CDK11B: variants seen among roughly 807,000 people sequenced by gnomAD.
CDK11B encodes the protein cyclin dependent kinase 11B.
CDK11B carries 37 observed loss-of-function variants against 84.0 expected under a neutral mutation model. That is an observed-to-expected ratio of 0.44 (90% confidence interval 0.34 to 0.58). The LOEUF is 0.58. Ranked by LOEUF, CDK11B falls within the 20% of genes least tolerant of loss-of-function variation. CDK11B has a pLI of 0.02. For synonymous variants in CDK11B, 269 were observed against 309.8 expected, an observed-to-expected ratio of 0.87 and a Z score of 1.38; for missense variants, 427 against 834.0, an observed-to-expected ratio of 0.51 and a Z score of 6.01.
At chr1:1,654,257 C>T (rs925561939) in intron 3 of CDK11B, 4 of 434,590 alleles carry the variant, frequency 9.2e-6, no homozygotes, top group African/African-American at 4.1e-5. Context: ...CGTCGGAACA[C>T]ACAGGTCTCA....
chr1:1,640,308 T>C lies in CDK11B; in HGVS notation c.1220A>G (p.Gln407Arg). ...SPALSPIELK[Q>R]ELPKYLPALQ... ...GGCCGGCAGGTACTTGGGCAGCTCC[T>C]GCTTGAGCTCGATGGGCGACAGGGC... The change falls in exon 11 of 20, where the codon CAG becomes CGG. Residue 407 changes from glutamine to arginine, a missense_variant. Physicochemically the swap from Gln to Arg is conservative, Grantham distance 43. This residue lies in a region of CDK11B where 43 missense variants were observed against 61.8 expected (regional missense o/e 0.70). Coordinates refer to ENST00000341832, the MANE Select transcript of CDK11B (RefSeq NM_033486.3). The C allele has an allele frequency of 6.2e-7, 1 of 1,613,654 alleles. No homozygotes were observed.
At chr1:1,657,019 T>C (rs1176825469) in intron 2 of CDK11B, among the ~76,000 whole-genome samples, 1 of 152,194 alleles carries the variant, frequency 6.6e-6, no homozygotes, top group Non-Finnish European at 1.5e-5. Flanking sequence ...ATGTAAAATA[T>C]TTATATTAAT....
rs1642132297 is a variant in CDK11B at position 1,652,387 on chromosome 1, G to A, written c.355+52C>T. The A allele has an allele frequency of 2.8e-6, 4 of 1,431,550 alleles. No homozygotes were observed. In the South Asian group the frequency reaches 6.2e-5, roughly 22 times the overall value. 88.7% of individuals were successfully genotyped at this position (1,431,550 alleles called of 1,614,324 possible). On this transcript the variant is annotated intron_variant, in intron 4 of 19. Coordinates refer to ENST00000341832, the MANE Select transcript of CDK11B (RefSeq NM_033486.3). ...TGGGGAAGGCAGAAGAGTAGGAACA[G>A]GAAAGAAACCACACTTGAACATGAT... is the stretch of plus-strand genomic sequence containing the variant.
At chr1:1,645,958 C>A in intron 5 of CDK11B, 1 of 390,484 alleles carries the variant, frequency 2.6e-6, no homozygotes, top group Non-Finnish European at 5.1e-6. Flanking sequence ...CATACCTGAG[C>A]CTCCCGAGTA....
At chr1:1,652,259 A>G (rs1156581127) in intron 4 of CDK11B, among the ~76,000 whole-genome samples, 180 bp downstream of exon 4, 4 of 152,154 alleles carry the variant, frequency 2.6e-5, no homozygotes, top group Non-Finnish European at 4.4e-5. Flanking sequence ...TGACGCACGC[A>G]TGCTTTTAGC....
rs1641867753 is a variant in CDK11B, at chr1:1,650,549, TAG to T, written c.356-914_356-913del. 1.2e-4 allele frequency among the ~76,000 whole-genome samples: 18 copies of T among 151,026 alleles called. No homozygotes were observed. The South Asian group carries it at 3.8e-3, about 32-fold the overall frequency. On this transcript the variant is annotated intron_variant, in intron 4 of 19. Transcript: ENST00000341832. The stretch of plus-strand genomic sequence containing the variant: ...CCCGGCTAATTTTTTGTCTTTTTAG[TAG>T]AGACGGGGTTCCACCATGTTAGCCA...
chr1:1,650,058 G>A (rs1570178947), intron 4 of CDK11B, among the ~76,000 whole-genome samples: 3 of 150,102 alleles, frequency 2.0e-5, no homozygotes, highest in Admixed American at 6.6e-5. Context: ...CGGATCACAA[G>A]GTCAGATCGG....
Position 1,657,468 on chromosome 1 carries a change from G to C in CDK11B, c.18C>G (p.Asp6Glu), listed in dbSNP as rs1306776210. MGDEK[D>E]SWKVKTLDEI... Reference sequence around the variant, plus strand: ...CATCTAAAGTTTTCACTTTCCAAGAGTCCTTTTCATCACCCATTTGAGTTA... The same window carrying C: ...CATCTAAAGTTTTCACTTTCCAAGACTCCTTTTCATCACCCATTTGAGTTA... Residue 6 changes from aspartate to glutamate, a missense_variant, in exon 2 of 20, where the codon GAC (aspartate) becomes GAG (glutamate). Asp to Glu is a conservative substitution (Grantham distance 45). Coordinates refer to ENST00000341832, the MANE Select transcript of CDK11B (RefSeq NM_033486.3). 1.9e-6 allele frequency: 3 copies of C among 1,542,186 alleles called. No homozygotes were observed. The highest frequency in any genetic ancestry group is 8.7e-7 in the Non-Finnish European group (1 of 1,144,296).
chr1:1,646,861 T>C (rs1641206005), intron 5 of CDK11B: 2 of 519,892 alleles, frequency 3.8e-6, no homozygotes, highest in Non-Finnish European at 7.7e-6. Flanking sequence ...TTCTAAGAAG[T>C]CAGTGGCTGG....
chr1:1,653,863 C>CACACACACACACA (rs761317190), intron 3 of CDK11B, among the ~76,000 whole-genome samples: 3 of 132,850 alleles, frequency 2.3e-5, no homozygotes, highest in African/African-American at 7.5e-5. Context: ...CACACACACA[C>CACACACACACACA]CCGAGCGTGG....
At chr1:1,655,006 C>T (rs1214673230) in intron 3 of CDK11B, among the ~76,000 whole-genome samples, 1 of 152,050 alleles carries the variant, frequency 6.6e-6, no homozygotes, top group Non-Finnish European at 1.5e-5. Context: ...AGACTGGTCT[C>T]GAACTCCTGA....
At chr1:1,656,075 C>A (rs1642709272) in intron 2 of CDK11B, among the ~76,000 whole-genome samples, 1 of 152,176 alleles carries the variant, frequency 6.6e-6, no homozygotes, top group Admixed American at 6.5e-5. Context: ...TCTTGCAAAC[C>A]AAATACTTTG....
rs1032280064 is a variant in CDK11B at position 1,641,177 on chromosome 1, G to A, written c.1010-64C>T. ...GGGCGAGTGCTGCCACAGGCAGGAT[G>A]CGGGCTCCGCTTCAGCTAAGCAACA... is the stretch of plus-strand genomic sequence containing the variant. On this transcript the variant is annotated intron_variant, in intron 9 of 19. Transcript: ENST00000341832. The A allele has an allele frequency of 1.1e-5, 17 of 1,538,774 alleles. No individual in the cohort carries two copies. In the East Asian group the frequency reaches 2.5e-4, roughly 23 times the overall value.
At chr1:1,643,477 GA>G (rs1343812346) in intron 6 of CDK11B, among the ~76,000 whole-genome samples, 3 of 151,324 alleles carry the variant, frequency 2.0e-5, no homozygotes, top group African/African-American at 7.4e-5. Context: ...GTCCCATTCA[GA>G]GGGGAAAAAA....
chr1:1,658,252 G>A (rs1010346295), intron 1 of CDK11B, among the ~76,000 whole-genome samples: 1 of 150,104 alleles, frequency 6.7e-6, no homozygotes, highest in African/African-American at 2.5e-5. Context: ...AGCTGAGATG[G>A]GAGACCGATT....
chr1:1,656,225 G>A (rs1642728570), intron 2 of CDK11B, among the ~76,000 whole-genome samples: 1 of 152,160 alleles, frequency 6.6e-6, no homozygotes, highest in African/African-American at 2.4e-5. Context: ...GGTGGCTCAC[G>A]CCTGTAATCC....
chr1:1,635,614 A>C lies in CDK11B; in HGVS notation c.*150T>G. On this transcript the variant is annotated 3_prime_UTR_variant, in exon 20 of 20. Coordinates refer to ENST00000341832, the MANE Select transcript of CDK11B (RefSeq NM_033486.3). ...TCCTCCACAACAAGGAAAATGATTT[A>C]ATTCTACAAATTTACAAACCAAAAT... 2.3e-6 allele frequency: 1 copy of C among 442,950 alleles called. No individual in the cohort carries two copies. The highest frequency in any genetic ancestry group is 2.3e-5 in the South Asian group (1 of 42,860). The allele number at this position is 442,950 out of a possible 1,614,324, so 27.4% of individuals were successfully genotyped here. A position where few individuals can be genotyped will look rare whatever the true frequency, so the allele number is the denominator to read the frequency against.
At chr1:1,655,164 G>C (rs558003712) in intron 3 of CDK11B, among the ~76,000 whole-genome samples, 2 of 151,816 alleles carry the variant, frequency 1.3e-5, no homozygotes. Context: ...AAGGGGCAAG[G>C]GTCTGGAGGG....
At chr1:1,640,536 G>T (rs1433563250) in intron 10 of CDK11B, 84 bp from the exon 11 acceptor site, 5 of 1,591,428 alleles carry the variant, frequency 3.1e-6, no homozygotes, top group Non-Finnish European at 4.3e-6. Flanking sequence ...CAAGCGCGTG[G>T]CAGGGCTGCC....
Sources: gnomAD v4.1 joint callset for allele counts (sites outside exome capture counted in the v4.1 genomes callset) on GRCh38, gnomAD v4.1.1 for gene constraint, gnomAD v4.1.1 regional missense constraint, MANE v1.5 for transcripts, NCBI Gene and HGNC (gene_info 2026-07-23, HGNC 2026-07-21) for gene names.